The following DAB1 variants were observed in gnomAD, a reference collection of about 807,000 sequenced individuals.
The protein encoded by DAB1 is DAB adaptor protein 1.
In DAB1, 15 loss-of-function variants were observed where a neutral mutation model predicts 64.6. The ratio of observed to expected loss-of-function variants is 0.23; its 90% CI spans 0.16 to 0.36. The LOEUF (loss-of-function observed/expected upper bound fraction) is 0.36. Ranked by LOEUF, DAB1 falls within the 10% of genes least tolerant of loss-of-function variation. The probability of loss-of-function intolerance (pLI) is 1.00; values close to 1 mark genes in which losing one functional copy is unlikely to be tolerated. For missense variants in DAB1, 596 were observed against 706.7 expected, an observed-to-expected ratio of 0.84 and a Z score of 1.78; for synonymous variants, 235 against 251.9, an observed-to-expected ratio of 0.93 and a Z score of 0.64.
chr1:58,299,974 T>C (rs1222128769), intron 4 of DAB1, among the ~76,000 whole-genome samples: 1 of 152,162 alleles, frequency 6.6e-6, no homozygotes, highest in African/African-American at 2.4e-5. Context: ...ATAAAAGCCT[T>C]CCTGTCTCTC....
intron 5 of DAB1, among the ~76,000 whole-genome samples, chr1:57,924,163 G>A (rs1269747285): frequency 2.0e-5 from 3 of 152,302 alleles, no homozygotes; most frequent in Admixed American, 2.0e-4. Context: ...TCAGCAAAGA[G>A]TTAATGAGCA....
intron 7 of DAB1, among the ~76,000 whole-genome samples, chr1:57,515,773 G>C (rs1644457309): frequency 3.3e-5 from 5 of 152,240 alleles, no homozygotes; most frequent in Admixed American, 3.3e-4. Flanking sequence ...CAAGTACCAA[G>C]GATACAGACA....
At chr1:57,531,006 T>C (rs1014172176) in intron 7 of DAB1, among the ~76,000 whole-genome samples, 1 of 152,164 alleles carries the variant, frequency 6.6e-6, no homozygotes, top group Non-Finnish European at 1.5e-5. Context: ...AGTGAGGTGA[T>C]GAGAGACTTA....
At chr1:57,288,213 T>A (rs1672486031) in intron 2 of DAB1, among the ~76,000 whole-genome samples, 1 of 152,162 alleles carries the variant, frequency 6.6e-6, no homozygotes, top group Non-Finnish European at 1.5e-5. Context: ...TGGGACAAAT[T>A]AGCTATATAC....
chr1:57,978,558 T>G (rs1645981258), intron 5 of DAB1, among the ~76,000 whole-genome samples: 1 of 152,056 alleles, frequency 6.6e-6, no homozygotes. Context: ...AAGCCAAAAT[T>G]GACAAATGGG....
At chr1:57,113,805 T>C (rs1056317156) in intron 4 of DAB1, among the ~76,000 whole-genome samples, 1 of 152,210 alleles carries the variant, frequency 6.6e-6, no homozygotes, top group Non-Finnish European at 1.5e-5. Context: ...ACTACTCTTT[T>C]AACTACTAGG....
chr1:57,320,993 A>C (rs993268983), intron 1 of DAB1, among the ~76,000 whole-genome samples: 2 of 152,194 alleles, frequency 1.3e-5, no homozygotes, highest in African/African-American at 4.8e-5. Flanking sequence ...TATGTATTAC[A>C]GTCAGAAAGG....
At chr1:57,663,772 A>ATTAATAT (rs1646414972) in intron 6 of DAB1, among the ~76,000 whole-genome samples, 1 of 152,158 alleles carries the variant, frequency 6.6e-6, no homozygotes, top group Non-Finnish European at 1.5e-5. Context: ...TATTAATATT[A>ATTAATAT]CATTCTTCTG....
chr1:58,170,044 G>A (rs1344711242), intron 4 of DAB1, among the ~76,000 whole-genome samples: 1 of 152,212 alleles, frequency 6.6e-6, no homozygotes, highest in African/African-American at 2.4e-5. Flanking sequence ...GGCATTTAAT[G>A]AAAAGAATGC....
chr1:57,050,569 C>T (rs1649086152), intron 9 of DAB1, among the ~76,000 whole-genome samples: 1 of 152,194 alleles, frequency 6.6e-6, no homozygotes, highest in Admixed American at 6.5e-5. Context: ...TACTGTTCCA[C>T]CCTTTCTCCA....
intron 5 of DAB1, among the ~76,000 whole-genome samples, chr1:58,085,742 T>A (rs1242093991): frequency 6.6e-6 from 1 of 151,920 alleles, no homozygotes; most frequent in Admixed American, 6.6e-5. Flanking sequence ...TGAAATAATT[T>A]CCCCCTACAC....
chr1:58,383,282 C>T (rs1170944034), intron 3 of DAB1, among the ~76,000 whole-genome samples: 1 of 152,134 alleles, frequency 6.6e-6, no homozygotes, highest in African/African-American at 2.4e-5. Flanking sequence ...AAGATTCAGA[C>T]TCAGGTCTTC....
upstream of DAB1, among the ~76,000 whole-genome samples, chr1:57,426,015 G>A (rs979400705): frequency 2.0e-5 from 3 of 152,158 alleles, no homozygotes; most frequent in Non-Finnish European, 4.4e-5. Context: ...TCGAAACAGG[G>A]GAAGGGAGGG....
Position 57,776,498 on chromosome 1 carries a change from GT to G in DAB1, n.551+107500del, listed in dbSNP as rs780117516. 4.9e-4 allele frequency among the ~76,000 whole-genome samples: 74 copies of G among 151,522 alleles called. No homozygotes were observed. The Middle Eastern group carries it at 0.01, about 21-fold the overall frequency. On this transcript the variant is annotated intron_variant and non_coding_transcript_variant, in intron 6 of 20. Coordinates refer to the DAB1 transcript ENST00000485760. The stretch of plus-strand genomic sequence containing the variant: ...ACTGTCATGCTATTTGTTTCCATCT[GT>G]TTTTTTATTCTATTTTCTATCCTTT...
chr1:57,411,450 G>C (rs1216369319), intron 1 of DAB1, among the ~76,000 whole-genome samples: 5 of 152,206 alleles, frequency 3.3e-5, no homozygotes, highest in Non-Finnish European at 5.9e-5. Context: ...TTGCCCATTG[G>C]GCAGCCAAAT....
intron 9 of DAB1, among the ~76,000 whole-genome samples, chr1:57,026,715 A>C (rs148909456): frequency 2.5e-3 from 377 of 152,316 alleles, no homozygotes; most frequent in African/African-American, 8.3e-3. Flanking sequence ...CATCAAAAAC[A>C]ACCCAGTGTA....
chr1:57,248,434 ATAGT>A (rs1369828133), intron 2 of DAB1, among the ~76,000 whole-genome samples: 2 of 152,098 alleles, frequency 1.3e-5, no homozygotes, highest in African/African-American at 4.8e-5. Flanking sequence ...AATCCACCCC[ATAGT>A]TAGAACAGTG....
At chr1:57,877,300 T>C (rs1223918465) in intron 1 of DAB1, among the ~76,000 whole-genome samples, 1 of 152,128 alleles carries the variant, frequency 6.6e-6, no homozygotes, top group Non-Finnish European at 1.5e-5. Context: ...ATTTGTACCC[T>C]CTGTCCCAGC....
intron 4 of DAB1, among the ~76,000 whole-genome samples, chr1:58,231,193 TGA>T (rs1659760592): frequency 6.6e-6 from 1 of 152,216 alleles, no homozygotes. Flanking sequence ...CGAGAGAGTG[TGA>T]GTGAGTGAAT....
Sources: allele counts gnomAD v4.1 joint callset (sites outside exome capture counted in the v4.1 genomes callset), GRCh38; gene constraint gnomAD v4.1.1; transcripts MANE v1.5; gene names NCBI Gene and HGNC (gene_info 2026-07-23, HGNC 2026-07-21).